The following PSMF1 variants were observed in gnomAD, a reference collection of about 807,000 sequenced individuals.
The protein encoded by PSMF1 is proteasome inhibitor subunit 1.
A neutral mutation model predicts 29.3 loss-of-function variants in PSMF1; 30 were observed. The observed-to-expected ratio is 1.02, with a 90% CI of 0.77 to 1.39. PSMF1 has a LOEUF of 1.39. Among genes scored for constraint, PSMF1 ranks in the 40% most tolerant of loss-of-function variants. The pLI is 0.00. For missense variants in PSMF1, 344 were observed against 357.5 expected, an observed-to-expected ratio of 0.96 and a Z score of 0.31; for synonymous variants, 134 against 139.7, an observed-to-expected ratio of 0.96 and a Z score of 0.29.
At position 1,163,183 on chromosome 20, in the gene PSMF1, G is replaced by T. The variant is rs200297814; in HGVS notation, c.605G>T (p.Gly202Val). The change falls in exon 5 of 7, where the codon GGG becomes GTG. Residue 202 changes from glycine to valine, a missense_variant and splice_region_variant. Transcript: ENST00000335877. This position sits in a 1 kb window ranked among gnomAD's most constrained non-coding sequence, Gnocchi z 6.1. ...GGGGGAGAAGACTTAGACCCTTTTG[G>T]GTGAGTACTGCTGGGGAGGTGGCAG... ...VVGGEDLDPF[G>V]PRRGGMIVDP... 3 of 1,614,058 alleles carry T rather than the reference G, an allele frequency of 1.9e-6. No individual in the cohort carries two copies. The highest frequency in any genetic ancestry group is 4.5e-5 in the East Asian group (2 of 44,884).
rs760076233 is a variant in PSMF1 at position 1,166,224 on chromosome 20, C to T, written c.*1144C>T. On this transcript the variant is annotated 3_prime_UTR_variant, in exon 7 of 7. Transcript: ENST00000335877. ...CCTTTGGTGTTCTCCGGATCCTTTT[C>T]AGCCCGAGGCCTGACAGACGCGGGC... 3 of 1,612,272 alleles carry T rather than the reference C, an allele frequency of 1.9e-6. No homozygotes were observed. Among genetic ancestry groups the T allele is most frequent in the Admixed American group, 1.7e-5 (1 of 59,966 alleles).
At chr20:1,124,659 ATG>A (rs2086131344) in intron 1 of PSMF1, among the ~76,000 whole-genome samples, 1 of 152,252 alleles carries the variant, frequency 6.6e-6, no homozygotes, top group Admixed American at 6.5e-5. Context: ...CAACAAGTAG[ATG>A]TATAAATTGC....
At chr20:1,141,467 T>C (rs1017725959) in intron 4 of PSMF1, among the ~76,000 whole-genome samples, 11 of 152,212 alleles carry the variant, frequency 7.2e-5, no homozygotes, top group African/African-American at 2.7e-4. Flanking sequence ...TAACTGCCCA[T>C]GACTGGGGCT....
rs1235009641 is a variant in PSMF1 at position 1,147,172 on chromosome 20, A to G, written c.551+11866A>G. 2.2e-3 allele frequency among the ~76,000 whole-genome samples: 248 copies of G among 114,972 alleles called. 2 individuals are homozygous for G. Among genetic ancestry groups the G allele is most frequent in the African/African-American group, 8.8e-3 (226 of 25,578 alleles). 75.4% of individuals were successfully genotyped at this position (114,972 alleles called of 152,430 possible). On this transcript the variant is annotated intron_variant, in intron 4 of 6. Coordinates refer to ENST00000335877, the MANE Select transcript of PSMF1 (RefSeq NM_006814.5). ...CATCATCATCATCATCATCATCATC[A>G]TCATCACCACCCTGTGTTGAGGACA... is the stretch of plus-strand genomic sequence containing the variant.
intron 1 of PSMF1, among the ~76,000 whole-genome samples, chr20:1,123,415 G>A (rs1444657086): frequency 2.0e-5 from 3 of 152,138 alleles, no homozygotes; most frequent in Admixed American, 6.5e-5. Flanking sequence ...CCCATGGTGA[G>A]CAATATAAAT....
intron 1 of PSMF1, among the ~76,000 whole-genome samples, chr20:1,122,417 A>G (rs1315104437): frequency 1.3e-5 from 2 of 150,318 alleles, no homozygotes; most frequent in African/African-American, 2.5e-5. Flanking sequence ...CTGCCCCAGC[A>G]TCCTCAGTAG....
At chr20:1,139,544 T>C (rs1055590299) in intron 4 of PSMF1, among the ~76,000 whole-genome samples, 2 of 152,018 alleles carry the variant, frequency 1.3e-5, no homozygotes, top group Admixed American at 6.6e-5. Context: ...GATATAAAAT[T>C]GATATCCTGG....
chr20:1,151,583 C>G (rs1393392047), intron 4 of PSMF1, among the ~76,000 whole-genome samples: 1 of 152,182 alleles, frequency 6.6e-6, no homozygotes, highest in African/African-American at 2.4e-5. Flanking sequence ...ATCTAAGTGT[C>G]CATCATGTGC....
chr20:1,137,837 A>G (rs1485828783), intron 4 of PSMF1, among the ~76,000 whole-genome samples: 1 of 152,210 alleles, frequency 6.6e-6, no homozygotes, highest in African/African-American at 2.4e-5. Flanking sequence ...AAAAGTCTTT[A>G]TCTGTTAGAG....
intron 2 of PSMF1, 104 bp downstream of exon 2, chr20:1,125,754 C>A: frequency 7.1e-7 from 1 of 1,417,960 alleles, no homozygotes. Context: ...GTTCATGTAG[C>A]CCTTACCTAG....
intron 3 of PSMF1, among the ~76,000 whole-genome samples, chr20:1,129,712 A>G (rs1388289545): frequency 6.6e-6 from 1 of 152,252 alleles, no homozygotes; most frequent in African/African-American, 2.4e-5. Flanking sequence ...ATGTGGAGAA[A>G]TTGGAACTCT....
rs2086698777 is a variant in PSMF1, at chr20:1,164,087, C to T, written c.606-231C>T. Among the ~76,000 whole-genome samples, 1 of 152,130 alleles carries T rather than the reference C, an allele frequency of 6.6e-6. No homozygotes were observed. The highest frequency in any genetic ancestry group is 1.5e-5 in the Non-Finnish European group (1 of 68,020). ...ACAGAACCAAAAGCACTGTGCAGAA[C>T]CAACCCCTGCAGAGCCAGAAGTACT... On this transcript the variant is annotated intron_variant, in intron 5 of 6. Transcript: ENST00000335877. The surrounding 1 kb of genome is among the most constrained non-coding windows in gnomAD (Gnocchi z 4.1).
chr20:1,135,299 C>T lies in PSMF1; in HGVS notation c.544C>T (p.Pro182Ser), dbSNP rs1159934369. Residue 182 changes from proline to serine, a missense_variant, in exon 4 of 7, where the codon CCT becomes TCT. Pro to Ser is a moderately conservative substitution (Grantham distance 74). Coordinates refer to ENST00000335877, the MANE Select transcript of PSMF1 (RefSeq NM_006814.5). ...ACACCACCCACACACCAGTCGGCAG[C>T]CTCCCTGGTGAGTACAGAGTGCCTA... ...PPHHPHTSRQ[P>S]PWCDPLGPFV... 2 of 1,611,228 alleles carry T rather than the reference C, an allele frequency of 1.2e-6. No homozygotes were observed. Among genetic ancestry groups the T allele is most frequent in the Non-Finnish European group, 8.5e-7 (1 of 1,178,474 alleles).
At chr20:1,136,670 G>A (rs1490972392) in intron 4 of PSMF1, among the ~76,000 whole-genome samples, 2 of 152,180 alleles carry the variant, frequency 1.3e-5, no homozygotes, top group East Asian at 1.9e-4. Context: ...TGAGTACACT[G>A]GAGAGCATGG....
At chr20:1,140,417 TC>T (rs2086366962) in intron 4 of PSMF1, among the ~76,000 whole-genome samples, 1 of 152,114 alleles carries the variant, frequency 6.6e-6, no homozygotes, top group Non-Finnish European at 1.5e-5. Context: ...TGAAGTTGGG[TC>T]CCTTCCTCGA....
chr20:1,146,854 G>A (rs2086456233), intron 4 of PSMF1, among the ~76,000 whole-genome samples: 1 of 152,174 alleles, frequency 6.6e-6, no homozygotes, highest in South Asian at 2.1e-4. Flanking sequence ...GATATCACAT[G>A]TTGACATTCA....
In PSMF1 at chr20:1,134,313, T is replaced by G. The variant is rs1478169215; in HGVS notation, c.366-808T>G. Among the ~76,000 whole-genome samples, 3 of 152,206 alleles carry G rather than the reference T, an allele frequency of 2.0e-5. No individual in the cohort carries two copies. The South Asian group carries it at 6.2e-4, about 32-fold the overall frequency. On this transcript the variant is annotated intron_variant, in intron 3 of 6. Coordinates refer to ENST00000335877, the MANE Select transcript of PSMF1 (RefSeq NM_006814.5). ...TCATTTTAATTCAGTGCTATATATTTCTTTTTTGTGACTTTGATCCAAGGA... is the reference window on the plus strand; with the variant it reads ...TCATTTTAATTCAGTGCTATATATTGCTTTTTTGTGACTTTGATCCAAGGA...
At position 1,170,139 on chromosome 20, in the gene PSMF1, C is replaced by T. The variant is rs1198214899; in HGVS notation, c.*5059C>T. ...AGACCTACCTCCTTGTTACTCAGAC[C>T]ACCAGCAACAGCAGCATCACCTGGG... On this transcript the variant is annotated 3_prime_UTR_variant, in exon 7 of 7. Coordinates refer to ENST00000335877, the MANE Select transcript of PSMF1 (RefSeq NM_006814.5). Among the ~76,000 whole-genome samples the T allele has an allele frequency of 6.6e-6, 1 of 152,154 alleles. No individual in the cohort carries two copies. The highest frequency in any genetic ancestry group is 1.5e-5 in the Non-Finnish European group (1 of 68,024).
intron 4 of PSMF1, among the ~76,000 whole-genome samples, chr20:1,150,509 A>AG (rs1288807257): frequency 6.6e-6 from 1 of 152,028 alleles, no homozygotes; most frequent in Admixed American, 6.6e-5. Context: ...GGAGTCCATG[A>AG]GCCACATTAA....
Sources: allele counts gnomAD v4.1 joint callset (sites outside exome capture counted in the v4.1 genomes callset), GRCh38; gene constraint gnomAD v4.1.1; non-coding constraint Gnocchi (gnomAD v3.1); transcripts MANE v1.5; gene names NCBI Gene and HGNC (gene_info 2026-07-23, HGNC 2026-07-21).